PCLO: variants seen among roughly 807,000 people sequenced by gnomAD.
PCLO encodes piccolo presynaptic cytomatrix protein, also known as protein piccolo.
Under a neutral mutation model 427.5 loss-of-function variants are expected in PCLO, and 82 were observed. That is an observed-to-expected ratio of 0.19 (90% CI 0.16 to 0.23). The LOEUF (loss-of-function observed/expected upper bound fraction) is 0.23, where lower values mean the gene tolerates loss of function less well. Among genes scored for constraint, PCLO ranks in the 10% least tolerant of loss-of-function variants. The pLI is 1.00. For synonymous variants in PCLO, 2,357 were observed against 2,155.4 expected, an observed-to-expected ratio of 1.09 and a Z score of -2.59; for missense variants, 6,239 against 6,115.9, an observed-to-expected ratio of 1.02 and a Z score of -0.67.
At chr7:83,016,314 A>G (rs952191256) in intron 3 of PCLO, among the ~76,000 whole-genome samples, 1 of 152,174 alleles carries the variant, frequency 6.6e-6, no homozygotes, top group Non-Finnish European at 1.5e-5. Context: ...ATCAATGTTG[A>G]AGGAAGCAAG....
chr7:82,958,541 TG>T (rs1226659737), intron 4 of PCLO, among the ~76,000 whole-genome samples: 1 of 152,204 alleles, frequency 6.6e-6, no homozygotes, highest in South Asian at 2.1e-4. Context: ...CAGGGTAAAA[TG>T]ATTTTGCTGA....
intron 3 of PCLO, among the ~76,000 whole-genome samples, chr7:83,029,027 C>G (rs559861819): frequency 6.6e-6 from 1 of 152,116 alleles, no homozygotes; most frequent in Admixed American, 6.6e-5. Context: ...CTAGGCAATA[C>G]CATTCAGGAC....
intron 3 of PCLO, among the ~76,000 whole-genome samples, chr7:83,012,235 CA>C (rs779725548): frequency 6.6e-6 from 1 of 152,012 alleles, no homozygotes; most frequent in Non-Finnish European, 1.5e-5. Flanking sequence ...GCAGAATACG[CA>C]TCTTTCATCT....
At chr7:82,941,035 T>A (rs986968082) in intron 6 of PCLO, among the ~76,000 whole-genome samples, 1 of 152,042 alleles carries the variant, frequency 6.6e-6, no homozygotes, top group Non-Finnish European at 1.5e-5. Context: ...GTGCTGGGAT[T>A]ACAGGTTTGA....
intron 6 of PCLO, among the ~76,000 whole-genome samples, chr7:82,932,338 G>T (rs911760198): frequency 6.6e-6 from 1 of 152,058 alleles, no homozygotes; most frequent in Admixed American, 6.6e-5. Context: ...AATAGCAAAA[G>T]GTTTGTTGTG....
At chr7:83,084,335 AT>A (rs1790177261) in intron 3 of PCLO, among the ~76,000 whole-genome samples, 1 of 152,158 alleles carries the variant, frequency 6.6e-6, no homozygotes, top group Admixed American at 6.5e-5. Flanking sequence ...ATATAAAAAA[AT>A]CTTTGAAGCC....
At chr7:82,826,683 T>G (rs369323961) in intron 17 of PCLO, 23 bp from the exon 18 acceptor site, 2 of 1,430,028 alleles carry the variant, frequency 1.4e-6, no homozygotes. Context: ...AATAGAAATC[T>G]AATTAAACCT....
At chr7:82,930,814 C>T (rs1794822846) in intron 6 of PCLO, among the ~76,000 whole-genome samples, 1 of 152,068 alleles carries the variant, frequency 6.6e-6, no homozygotes, top group African/African-American at 2.4e-5. Context: ...TGGGATTCCA[C>T]TAATGATATG....
intron 3 of PCLO, among the ~76,000 whole-genome samples, chr7:82,968,991 T>C (rs920332316): frequency 1.3e-5 from 2 of 152,202 alleles, no homozygotes; most frequent in East Asian, 1.9e-4. Flanking sequence ...ATAGGTTTCA[T>C]GCCATTGGAA....
At position 82,758,534 on chromosome 7, in the gene PCLO, C is replaced by A; in HGVS notation, c.*41G>T. The A allele has an allele frequency of 6.4e-7, 1 of 1,562,540 alleles. No individual in the cohort carries two copies. The highest frequency in any genetic ancestry group is 8.7e-7 in the Non-Finnish European group (1 of 1,149,754). On this transcript the variant is annotated 3_prime_UTR_variant, in exon 25 of 25. Coordinates refer to ENST00000333891, the MANE Select transcript of PCLO (RefSeq NM_033026.6). ...ATTCAACTATAGTCTTGATGTGAGG[C>A]TATTTAGAGCAGTTTCTATACCCTG...
At chr7:82,814,229 T>A (rs1791630140) in intron 20 of PCLO, among the ~76,000 whole-genome samples, 1 of 151,390 alleles carries the variant, frequency 6.6e-6, no homozygotes, top group Non-Finnish European at 1.5e-5. Flanking sequence ...CTATATAAAT[T>A]GAAAAAATGT....
intron 9 of PCLO, among the ~76,000 whole-genome samples, chr7:82,890,190 G>C (rs1378460065): frequency 6.6e-6 from 1 of 151,950 alleles, no homozygotes; most frequent in African/African-American, 2.4e-5. Flanking sequence ...AGCTATAAAG[G>C]AAAGCAGAGT....
chr7:82,826,869 G>T (rs1206269288), intron 17 of PCLO, among the ~76,000 whole-genome samples: 1 of 151,818 alleles, frequency 6.6e-6, no homozygotes, highest in Non-Finnish European at 1.5e-5. Flanking sequence ...GTTTGATCAT[G>T]GGGAACATTA....
At chr7:82,771,516 C>A (rs559328038) in intron 22 of PCLO, among the ~76,000 whole-genome samples, 5 of 152,040 alleles carry the variant, frequency 3.3e-5, no homozygotes, top group Admixed American at 2.6e-4. Context: ...ATGACAAATA[C>A]CAGTTGAATC....
intron 3 of PCLO, among the ~76,000 whole-genome samples, chr7:83,119,908 T>C (rs1791231312): frequency 1.4e-5 from 2 of 147,768 alleles, no homozygotes; most frequent in South Asian, 4.3e-4. Flanking sequence ...AACTGAAAAA[T>C]GCATCAGTTT....
rs779306007 is a variant in PCLO, at chr7:83,155,458, G to A, written c.1183C>T (p.Pro395Ser). 1.9e-6 allele frequency: 3 copies of A among 1,613,920 alleles called. No individual in the cohort carries two copies. Among genetic ancestry groups the A allele is most frequent in the Admixed American group, 3.3e-5 (2 of 60,012 alleles). ...QPGPKALAQPPGVGKTPAQQP... is the reference protein window; with the variant it reads ...QPGPKALAQPSGVGKTPAQQP... Reference sequence around the variant, plus strand: ...TGAGCTGGAGTCTTTCCAACTCCAGGAGGCTGAGCTAAAGCCTTTGGCCCA... The same window carrying A: ...TGAGCTGGAGTCTTTCCAACTCCAGAAGGCTGAGCTAAAGCCTTTGGCCCA... Residue 395 changes from proline to serine, a missense_variant, in exon 2 of 25, where the codon CCT (proline) becomes TCT (serine). Physicochemically the swap from Pro to Ser is moderately conservative, Grantham distance 74 (BLOSUM62 -1). Transcript: ENST00000333891.
chr7:82,962,732 A>G (rs1055843104), intron 4 of PCLO, among the ~76,000 whole-genome samples: 2 of 152,080 alleles, frequency 1.3e-5, no homozygotes, highest in African/African-American at 4.8e-5. Flanking sequence ...CTCTGATTGG[A>G]ATTATAATTT....
intron 3 of PCLO, among the ~76,000 whole-genome samples, chr7:83,049,238 T>C (rs1789175528): frequency 6.6e-6 from 1 of 152,102 alleles, no homozygotes; most frequent in Non-Finnish European, 1.5e-5. Context: ...CGGCAATATA[T>C]GAAAAATAAA....
At chr7:82,968,481 G>T (rs1219291742) in intron 3 of PCLO, among the ~76,000 whole-genome samples, 2 of 148,202 alleles carry the variant, frequency 1.3e-5, no homozygotes, top group African/African-American at 5.0e-5. Context: ...TTACTTGGTT[G>T]AACCACATCT....
Sources: allele counts gnomAD v4.1 joint callset (sites outside exome capture counted in the v4.1 genomes callset), GRCh38; gene constraint gnomAD v4.1.1; transcripts MANE v1.5; gene names NCBI Gene and HGNC (gene_info 2026-07-23, HGNC 2026-07-21).